The following IL34 variants were observed in gnomAD, a reference collection of about 807,000 sequenced individuals.
IL34 encodes the protein interleukin-34.
A neutral mutation model predicts 25.3 loss-of-function variants in IL34; 17 were observed. The observed-to-expected ratio is 0.67, with a 90% CI of 0.46 to 1.01. The LOEUF is 1.01. IL34 is among the 50% of genes least tolerant of loss of function. The pLI, the probability that IL34 is intolerant of heterozygous loss-of-function variation, is 0.00. For synonymous variants in IL34, 174 were observed against 140.9 expected, an observed-to-expected ratio of 1.23 and a Z score of -1.66; for missense variants, 368 against 312.9, an observed-to-expected ratio of 1.18 and a Z score of -1.33.
chr16:70,619,693 CA>C (rs1343367040), intron 1 of IL34, among the ~76,000 whole-genome samples: 3 of 152,196 alleles, frequency 2.0e-5, no homozygotes, highest in African/African-American at 7.2e-5. Context: ...TGATGGTCTA[CA>C]GGGCTTTCGA....
chr16:70,637,323 C>G (rs562580986), intron 1 of IL34, among the ~76,000 whole-genome samples: 1 of 151,970 alleles, frequency 6.6e-6, no homozygotes, highest in Non-Finnish European at 1.5e-5. Context: ...TTAGGTTTTA[C>G]AATTAATTCT....
At chr16:70,640,824 C>T (rs1005380174) in intron 1 of IL34, among the ~76,000 whole-genome samples, 7 of 152,180 alleles carry the variant, frequency 4.6e-5, no homozygotes, top group East Asian at 1.9e-4. Flanking sequence ...CCCAAAATTC[C>T]CCTGCGCCCC....
In IL34 at chr16:70,619,740, C is replaced by T. The variant is rs148086458; in HGVS notation, c.-400-26808C>T. On this transcript the variant is annotated intron_variant, in intron 1 of 6. Coordinates refer to the IL34 transcript ENST00000429149. ...CAGTGTCAGTCTTCAGCCGCTAAGC[C>T]GAGAAGATCTGGGAAGGAGTCAGTC... 5.8e-3 allele frequency among the ~76,000 whole-genome samples: 878 copies of T among 152,230 alleles called. 7 individuals carry two copies. The highest frequency in any genetic ancestry group is 0.017 in the Middle Eastern group (5 of 294).
chr16:70,646,069 T>C (rs2051920119), upstream of IL34, among the ~76,000 whole-genome samples: 1 of 152,076 alleles, frequency 6.6e-6, no homozygotes, highest in Non-Finnish European at 1.5e-5. Context: ...AAATTTTTTT[T>C]TTCTTAATTT....
At chr16:70,636,940 C>A (rs907988804) in intron 1 of IL34, among the ~76,000 whole-genome samples, 1 of 151,716 alleles carries the variant, frequency 6.6e-6, no homozygotes, top group Non-Finnish European at 1.5e-5. Flanking sequence ...AGTACAGTGG[C>A]GTAATCTCGG....
At chr16:70,651,585 G>C (rs924001256) in intron 1 of IL34, among the ~76,000 whole-genome samples, 3 of 152,054 alleles carry the variant, frequency 2.0e-5, no homozygotes, top group African/African-American at 7.2e-5. Context: ...GGCCTGAGCA[G>C]GGCAGGTTTG....
intron 1 of IL34, among the ~76,000 whole-genome samples, chr16:70,601,252 C>A (rs556162678): frequency 6.6e-6 from 1 of 151,988 alleles, no homozygotes; most frequent in Admixed American, 6.6e-5. Flanking sequence ...GAGACTGACT[C>A]TTTATTTATT....
chr16:70,602,994 G>C (rs1006984), intron 1 of IL34, among the ~76,000 whole-genome samples: 51 of 152,082 alleles, frequency 3.4e-4, no homozygotes, highest in South Asian at 2.5e-3. Flanking sequence ...TCTGTGGCCC[G>C]CCAACCCCAG....
In IL34 at chr16:70,660,283, C is replaced by G. The variant is rs1036683289; in HGVS notation, c.*96C>G. 7 of 1,200,212 alleles carry G rather than the reference C, an allele frequency of 5.8e-6. No homozygotes were observed. The African/African-American group carries it at 9.2e-5, about 16-fold the overall frequency. 74.3% of individuals were successfully genotyped at this position (1,200,212 alleles called of 1,614,324 possible). Reference sequence around the variant, plus strand: ...CTTCAAGGGGTGGTGGTGGGAGCCCCCCTTGGGAGAGGACCCCTGGGAAGG... The same window carrying G: ...CTTCAAGGGGTGGTGGTGGGAGCCCGCCTTGGGAGAGGACCCCTGGGAAGG... On this transcript the variant is annotated 3_prime_UTR_variant, in exon 6 of 6. Coordinates refer to ENST00000288098, the MANE Select transcript of IL34 (RefSeq NM_001393494.1).
At chr16:70,638,747 T>TA (rs1007301359) in intron 1 of IL34, among the ~76,000 whole-genome samples, 5 of 151,646 alleles carry the variant, frequency 3.3e-5, no homozygotes, top group South Asian at 2.1e-4. Flanking sequence ...TCTAGCTAAT[T>TA]AAAAAAAAAT....
At chr16:70,633,288 CTG>C (rs905581507) in intron 1 of IL34, among the ~76,000 whole-genome samples, 2 of 151,394 alleles carry the variant, frequency 1.3e-5, no homozygotes, top group Non-Finnish European at 2.9e-5. Flanking sequence ...GGGTCTCACT[CTG>C]TTGCTCATGC....
intron 1 of IL34, among the ~76,000 whole-genome samples, chr16:70,630,205 C>G (rs908519597): frequency 6.6e-6 from 1 of 152,094 alleles, no homozygotes; most frequent in Non-Finnish European, 1.5e-5. Flanking sequence ...AATAGTACTC[C>G]ATTCTGTATA....
Position 70,594,629 on chromosome 16 carries a change from G to A in IL34, c.-401+14580G>A, listed in dbSNP as rs1289985544. 2.0e-5 allele frequency among the ~76,000 whole-genome samples: 3 copies of A among 152,260 alleles called. No homozygotes were observed. The East Asian group carries it at 5.8e-4, about 29-fold the overall frequency. On this transcript the variant is annotated intron_variant, in intron 1 of 6. Coordinates refer to the IL34 transcript ENST00000429149. The stretch of plus-strand genomic sequence containing the variant: ...ATCCTCACAAGAATTCTGCCTGGCA[G>A]GTCTTATTATCTCTGAGGGAGGGTC...
chr16:70,628,672 A>G (rs1332773682), intron 1 of IL34, among the ~76,000 whole-genome samples: 1 of 151,562 alleles, frequency 6.6e-6, no homozygotes, highest in African/African-American at 2.4e-5. Flanking sequence ...TTTTTAGTAG[A>G]GATGGGGTCT....
chr16:70,658,336 T>A (rs1056232854), intron 4 of IL34, among the ~76,000 whole-genome samples: 1 of 152,146 alleles, frequency 6.6e-6, no homozygotes, highest in African/African-American at 2.4e-5. Flanking sequence ...TTTCATTTTA[T>A]TTCTTTTTTA....
chr16:70,636,921 C>T (rs1278579208), intron 1 of IL34, among the ~76,000 whole-genome samples: 4 of 151,748 alleles, frequency 2.6e-5, no homozygotes, highest in African/African-American at 9.7e-5. Context: ...GTTCTGTCGC[C>T]CAGGTTGGAG....
intron 1 of IL34, among the ~76,000 whole-genome samples, chr16:70,590,455 G>A (rs536953158): frequency 6.6e-6 from 1 of 152,146 alleles, no homozygotes; most frequent in Non-Finnish European, 1.5e-5. Flanking sequence ...TACCTCCGAC[G>A]CTGTGCACCT....
chr16:70,617,442 G>T (rs1042132435), intron 1 of IL34, among the ~76,000 whole-genome samples: 8 of 152,198 alleles, frequency 5.3e-5, no homozygotes, highest in Non-Finnish European at 1.0e-4. Flanking sequence ...TGAGAACGGA[G>T]AATAGGAGTA....
chr16:70,626,532 G>C (rs1371917035), intron 1 of IL34, among the ~76,000 whole-genome samples: 1 of 152,142 alleles, frequency 6.6e-6, no homozygotes, highest in Non-Finnish European at 1.5e-5. Flanking sequence ...GAGTAGCTGG[G>C]ATTACAGGCA....
Sources: gnomAD v4.1 joint callset for allele counts (sites outside exome capture counted in the v4.1 genomes callset) on GRCh38, gnomAD v4.1.1 for gene constraint, MANE v1.5 for transcripts, NCBI Gene and HGNC (gene_info 2026-07-23, HGNC 2026-07-21) for gene names.